SYT1: variants seen among roughly 807,000 people sequenced by gnomAD.
The protein encoded by SYT1 is synaptotagmin-1.
Under a neutral mutation model 44.8 loss-of-function variants are expected in SYT1, and 8 were observed. That is an observed-to-expected ratio of 0.18 (90% CI 0.10 to 0.32). The LOEUF (loss-of-function observed/expected upper bound fraction) is 0.32, where lower values mean the gene tolerates loss of function less well. Ranked by LOEUF, SYT1 falls within the 10% of genes least tolerant of loss-of-function variation. The probability of loss-of-function intolerance (pLI) is 1.00; values close to 1 mark genes in which losing one functional copy is unlikely to be tolerated. For missense variants in SYT1, 286 were observed against 509.3 expected (o/e 0.56, Z 4.22); for synonymous variants, 154 against 188.8 (o/e 0.82, Z 1.51).
intron 9 of SYT1, among the ~76,000 whole-genome samples, chr12:79,429,803 T>G (rs79892160): frequency 1.8e-3 from 271 of 152,312 alleles, no homozygotes; most frequent in Middle Eastern, 6.8e-3. Context: ...ATTAGACATA[T>G]GGCACATGGA....
chr12:78,916,904 T>C (rs1876686395), intron 1 of SYT1, among the ~76,000 whole-genome samples: 1 of 152,016 alleles, frequency 6.6e-6, no homozygotes, highest in South Asian at 2.1e-4. Context: ...AAAACTTTTC[T>C]TTTTACAATC....
At chr12:79,401,468 C>T (rs1356525557) in intron 9 of SYT1, among the ~76,000 whole-genome samples, 3 of 152,060 alleles carry the variant, frequency 2.0e-5, no homozygotes, top group Admixed American at 6.6e-5. Flanking sequence ...GTAACATAAG[C>T]CCCCTTGATA....
intron 7 of SYT1, among the ~76,000 whole-genome samples, 172 bp downstream of exon 7, chr12:79,296,408 C>T (rs1445975420): frequency 6.6e-6 from 1 of 152,142 alleles, no homozygotes; most frequent in Non-Finnish European, 1.5e-5. Context: ...TCGATATTGC[C>T]TTTCAGCGTG....
At chr12:79,192,043 G>A (rs892629607) in intron 3 of SYT1, among the ~76,000 whole-genome samples, 1 of 152,156 alleles carries the variant, frequency 6.6e-6, no homozygotes, top group African/African-American at 2.4e-5. Flanking sequence ...AACTTTAGAT[G>A]TGTATCATTA....
At chr12:78,926,523 C>A (rs1415045789) in intron 1 of SYT1, 1 of 151,846 alleles carries the variant, frequency 6.6e-6, no homozygotes, top group East Asian at 1.9e-4. Flanking sequence ...CTTTTTACTT[C>A]TTTTTTGATC....
intron 1 of SYT1, among the ~76,000 whole-genome samples, chr12:78,925,879 A>G (rs1877276233): frequency 6.6e-6 from 1 of 152,078 alleles, no homozygotes; most frequent in South Asian, 2.1e-4. Flanking sequence ...TACTAGCAAA[A>G]TATTATTTGC....
At chr12:79,124,711 A>C (rs574746655) in intron 3 of SYT1, among the ~76,000 whole-genome samples, 2 of 151,956 alleles carry the variant, frequency 1.3e-5, no homozygotes, top group African/African-American at 2.4e-5. Context: ...AGAAAATAAG[A>C]CTCTTCCATG....
intron 1 of SYT1, among the ~76,000 whole-genome samples, chr12:78,950,254 C>T (rs1025731316): frequency 1.3e-5 from 2 of 151,974 alleles, no homozygotes; most frequent in Admixed American, 6.6e-5. Flanking sequence ...ATGAACCTAC[C>T]TTATAATTTT....
At chr12:79,303,640 G>A (rs764888291) in intron 8 of SYT1, among the ~76,000 whole-genome samples, 1 of 152,040 alleles carries the variant, frequency 6.6e-6, no homozygotes, top group Non-Finnish European at 1.5e-5. Flanking sequence ...GAAGGGAAGA[G>A]AAACTACTTT....
At chr12:79,188,343 A>T (rs1872921284) in intron 3 of SYT1, among the ~76,000 whole-genome samples, 1 of 152,128 alleles carries the variant, frequency 6.6e-6, no homozygotes, top group African/African-American at 2.4e-5. Flanking sequence ...TCTGAGTGCA[A>T]GATTTTTGAT....
At chr12:79,342,762 G>A (rs887178916) in intron 8 of SYT1, among the ~76,000 whole-genome samples, 7 of 152,166 alleles carry the variant, frequency 4.6e-5, no homozygotes, top group African/African-American at 1.7e-4. Flanking sequence ...GCAACCCCTT[G>A]GATGCTAATA....
intron 3 of SYT1, among the ~76,000 whole-genome samples, chr12:79,145,736 GGTTTTTTTTT>G (rs777894625): frequency 0.066 from 9,688 of 145,690 alleles, 381 homozygotes; most frequent in African/African-American, 0.086. Context: ...TAAACATAGT[GGTTTTTTTTT>G]TTTTTTGTTT....
intron 9 of SYT1, among the ~76,000 whole-genome samples, chr12:79,416,949 C>A (rs1372426262): frequency 2.0e-5 from 3 of 152,032 alleles, no homozygotes; most frequent in Non-Finnish European, 4.4e-5. Context: ...AGCAAAAATA[C>A]AACGAAAATC....
intron 9 of SYT1, among the ~76,000 whole-genome samples, chr12:79,431,009 G>C (rs117232794): frequency 6.6e-6 from 1 of 152,220 alleles, no homozygotes; most frequent in African/African-American, 2.4e-5. Context: ...AATGAATTCT[G>C]TACCACAAAG....
chr12:78,945,434 A>G (rs1422694935), intron 1 of SYT1, among the ~76,000 whole-genome samples: 1 of 150,726 alleles, frequency 6.6e-6, no homozygotes, highest in African/African-American at 2.4e-5. Flanking sequence ...TACATAATAT[A>G]TTCATACATA....
intron 1 of SYT1, among the ~76,000 whole-genome samples, chr12:78,899,653 A>C (rs1247121004): frequency 6.6e-6 from 1 of 151,976 alleles, no homozygotes; most frequent in Non-Finnish European, 1.5e-5. Flanking sequence ...TTTCTCTTTG[A>C]AATTTAATGT....
At chr12:79,436,452 C>T (rs1245699934) in intron 9 of SYT1, among the ~76,000 whole-genome samples, 4 of 152,090 alleles carry the variant, frequency 2.6e-5, no homozygotes, top group Admixed American at 6.5e-5. Flanking sequence ...CAGGAGCCCA[C>T]GGTCACTGTA....
At chr12:79,143,198 G>C (rs189649364) in intron 3 of SYT1, among the ~76,000 whole-genome samples, 60 of 152,178 alleles carry the variant, frequency 3.9e-4, no homozygotes, top group Non-Finnish European at 6.9e-4. Flanking sequence ...GTTACCATAG[G>C]AACAATGGTA....
intron 3 of SYT1, among the ~76,000 whole-genome samples, chr12:79,158,526 G>GTCCAT (rs1172267745): frequency 6.6e-6 from 1 of 152,056 alleles, no homozygotes; most frequent in Non-Finnish European, 1.5e-5. Context: ...CTGTAGTTTG[G>GTCCAT]GGACCCCTGC....
Sources: gnomAD v4.1 joint callset for allele counts (sites outside exome capture counted in the v4.1 genomes callset) on GRCh38, gnomAD v4.1.1 for gene constraint, MANE v1.5 for transcripts, NCBI Gene and HGNC (gene_info 2026-07-23, HGNC 2026-07-21) for gene names.